The following NHSL1 variants were observed in gnomAD, a reference collection of about 807,000 sequenced individuals.
NHSL1 encodes the protein NHS like 1.
Under a neutral mutation model 95.0 loss-of-function variants are expected in NHSL1, and 48 were observed. The ratio of observed to expected loss-of-function variants is 0.51; its 90% CI spans 0.40 to 0.64. The LOEUF (loss-of-function observed/expected upper bound fraction) is 0.64. Ranked by LOEUF, NHSL1 falls within the 30% of genes least tolerant of loss-of-function variation. The pLI, the probability that NHSL1 is intolerant of heterozygous loss-of-function variation, is 0.00. For missense variants in NHSL1, 1,971 were observed against 2,077.7 expected (o/e 0.95, Z 1.00); for synonymous variants, 783 against 833.9 (o/e 0.94, Z 1.05).
chr6:138,541,738 G>A (rs1232104147), intron 1 of NHSL1, among the ~76,000 whole-genome samples: 1 of 152,138 alleles, frequency 6.6e-6, no homozygotes, highest in Admixed American at 6.5e-5. Context: ...AAGCCGAATC[G>A]ATTAAAGGAA....
At chr6:138,518,423 T>G (rs1175833382) in intron 1 of NHSL1, among the ~76,000 whole-genome samples, 1 of 151,186 alleles carries the variant, frequency 6.6e-6, no homozygotes, top group Non-Finnish European at 1.5e-5. Context: ...ATGCACAAAT[T>G]CACATTATAT....
At chr6:138,674,032 G>A (rs1318653905) in intron 1 of NHSL1, among the ~76,000 whole-genome samples, 2 of 152,136 alleles carry the variant, frequency 1.3e-5, no homozygotes. Context: ...GTAGATAAAT[G>A]GGATTACAGA....
chr6:138,447,610 T>C (rs537566586), intron 3 of NHSL1, among the ~76,000 whole-genome samples: 1 of 152,190 alleles, frequency 6.6e-6, no homozygotes, highest in South Asian at 2.1e-4. Context: ...CCATCTCTAC[T>C]AAAAATAAAA....
intron 2 of NHSL1, among the ~76,000 whole-genome samples, chr6:138,495,157 G>T (rs921330115): frequency 6.6e-6 from 1 of 152,066 alleles, no homozygotes; most frequent in Non-Finnish European, 1.5e-5. Flanking sequence ...GCAGGAGAAT[G>T]GCTCAAACCT....
intron 1 of NHSL1, among the ~76,000 whole-genome samples, chr6:138,526,620 C>A (rs1781916804): frequency 1.3e-5 from 2 of 152,106 alleles, no homozygotes; most frequent in African/African-American, 2.4e-5. Flanking sequence ...AGTGGGTTTG[C>A]CATTTTTCTC....
At chr6:138,600,143 C>CA (rs59660094) in intron 1 of NHSL1, among the ~76,000 whole-genome samples, 11 of 148,538 alleles carry the variant, frequency 7.4e-5, no homozygotes, top group South Asian at 2.1e-4. Context: ...GACTCCATCT[C>CA]AAAAAAAAAA....
In NHSL1 at chr6:138,522,687, T is replaced by A. The variant is rs202047995; in HGVS notation, c.16+22936A>T. ...ATTTACTCAGGTGTGGTGGCGCACA[T>A]GTGGTTTCAGCTACTCAGAAGGCTG... On this transcript the variant is annotated intron_variant, in intron 1 of 4. Transcript: ENST00000342260. 5.3e-5 allele frequency among the ~76,000 whole-genome samples: 8 copies of A among 152,168 alleles called. No individual in the cohort carries two copies. The South Asian group carries it at 1.0e-3, about 20-fold the overall frequency.
At chr6:138,535,929 A>T (rs1782322204) in intron 1 of NHSL1, among the ~76,000 whole-genome samples, 1 of 152,198 alleles carries the variant, frequency 6.6e-6, no homozygotes, top group South Asian at 2.1e-4. Flanking sequence ...GCATCCATAC[A>T]GACTGATCTA....
intron 2 of NHSL1, among the ~76,000 whole-genome samples, chr6:138,492,299 T>C (rs1052830043): frequency 6.6e-6 from 1 of 152,212 alleles, no homozygotes; most frequent in Non-Finnish European, 1.5e-5. Context: ...TCTCTCCCTG[T>C]GTGTACAATG....
At chr6:138,629,024 C>T (rs1193845646) in intron 1 of NHSL1, among the ~76,000 whole-genome samples, 1 of 152,168 alleles carries the variant, frequency 6.6e-6, no homozygotes, top group African/African-American at 2.4e-5. Context: ...TCAGTCATTC[C>T]ACGCCAGCCT....
chr6:138,633,667 A>G (rs907454035), intron 1 of NHSL1, among the ~76,000 whole-genome samples: 2 of 152,240 alleles, frequency 1.3e-5, no homozygotes, highest in African/African-American at 2.4e-5. Context: ...ACTATTCTAC[A>G]AGAAATGCTA....
At chr6:138,654,368 G>A (rs2114716734) in intron 1 of NHSL1, among the ~76,000 whole-genome samples, 1 of 152,278 alleles carries the variant, frequency 6.6e-6, no homozygotes, top group East Asian at 1.9e-4. Flanking sequence ...TTTTTGGAGA[G>A]TGATTCGAGA....
upstream of NHSL1, among the ~76,000 whole-genome samples, chr6:138,574,468 G>A (rs1349160501): frequency 6.6e-6 from 1 of 152,018 alleles, no homozygotes; most frequent in Non-Finnish European, 1.5e-5. Context: ...AGGAGCCATG[G>A]AACCCAAACA....
intron 3 of NHSL1, among the ~76,000 whole-genome samples, chr6:138,458,800 T>TG (rs1291313762): frequency 1.4e-5 from 2 of 139,302 alleles, no homozygotes; most frequent in Non-Finnish European, 3.0e-5. Flanking sequence ...CACTCCAGCC[T>TG]GGCAACAGAG....
At position 138,542,692 on chromosome 6, in the gene NHSL1, T is replaced by G. The variant is rs1782629457; in HGVS notation, c.16+2931A>C. Reference sequence around the variant, plus strand: ...TAATTAAGAAATCTACATTCAGAACTATTTCAGAGAAGTGTAATTATGTTC... The same window carrying G: ...TAATTAAGAAATCTACATTCAGAACGATTTCAGAGAAGTGTAATTATGTTC... On this transcript the variant is annotated intron_variant, in intron 1 of 4. Transcript: ENST00000342260. 1.3e-5 allele frequency among the ~76,000 whole-genome samples: 2 copies of G among 152,252 alleles called. 1 individual carries two copies. The highest frequency in any genetic ancestry group is 4.1e-4 in the South Asian group (2 of 4,832).
At chr6:138,504,737 A>G (rs1780869568) in intron 1 of NHSL1, among the ~76,000 whole-genome samples, 1 of 152,234 alleles carries the variant, frequency 6.6e-6, no homozygotes, top group South Asian at 2.1e-4. Flanking sequence ...TCTGGTGTCA[A>G]ATGACAAGTA....
At chr6:138,686,542 C>T (rs1785586789) in intron 1 of NHSL1, among the ~76,000 whole-genome samples, 1 of 152,106 alleles carries the variant, frequency 6.6e-6, no homozygotes, top group Admixed American at 6.5e-5. Context: ...TTTAATTTTC[C>T]TATTTATTTT....
At chr6:138,521,747 C>T (rs1490528529) in intron 1 of NHSL1, among the ~76,000 whole-genome samples, 3 of 152,070 alleles carry the variant, frequency 2.0e-5, no homozygotes, top group Admixed American at 2.0e-4. Flanking sequence ...GAAACAGTGG[C>T]TAGAAGATAA....
chr6:138,631,856 C>T (rs548905134), intron 1 of NHSL1, among the ~76,000 whole-genome samples: 1 of 152,226 alleles, frequency 6.6e-6, no homozygotes, highest in Admixed American at 6.5e-5. Context: ...GTAAAGAGGG[C>T]TTAGACTTGC....
Sources: gnomAD v4.1 joint callset for allele counts (sites outside exome capture counted in the v4.1 genomes callset) on GRCh38, gnomAD v4.1.1 for gene constraint, MANE v1.5 for transcripts, NCBI Gene and HGNC (gene_info 2026-07-23, HGNC 2026-07-21) for gene names.